The following LRRC4C variants were observed in gnomAD, a reference collection of about 807,000 sequenced individuals.
LRRC4C encodes leucine-rich repeat-containing protein 4C.
In LRRC4C, 5 loss-of-function variants were observed where a neutral mutation model predicts 33.6. The observed-to-expected ratio is 0.15, with a 90% CI of 0.08 to 0.31. The LOEUF is 0.31. LRRC4C is among the 10% of genes least tolerant of loss of function. The probability of loss-of-function intolerance (pLI) is 1.00; values close to 1 mark genes in which losing one functional copy is unlikely to be tolerated. For missense variants in LRRC4C, 560 were observed against 796.7 expected (o/e 0.70, Z 3.58); for synonymous variants, 329 against 302.0 (o/e 1.09, Z -0.93).
chr11:40,687,720 C>T (rs1277209083), intron 2 of LRRC4C, among the ~76,000 whole-genome samples: 3 of 152,014 alleles, frequency 2.0e-5, no homozygotes, highest in Admixed American at 6.6e-5. Context: ...CAAGACAAAA[C>T]CTGTCTATAA....
At position 41,210,735 on chromosome 11, in the gene LRRC4C, C is replaced by A. The variant is rs1397105637; in HGVS notation, c.-496+248696G>T. Reference sequence around the variant, plus strand: ...AGCCAAAACAGAAGCCAAAGAGCTTCAAAGTCTGTGGAAAGAAACTGAACT... The same window carrying A: ...AGCCAAAACAGAAGCCAAAGAGCTTAAAAGTCTGTGGAAAGAAACTGAACT... On this transcript the variant is annotated intron_variant, in intron 1 of 6. Transcript: ENST00000528697. Among the ~76,000 whole-genome samples the A allele has an allele frequency of 2.6e-5, 4 of 152,240 alleles. No individual in the cohort carries two copies. In the South Asian group the frequency reaches 8.3e-4, roughly 32 times the overall value.
chr11:40,893,743 T>C (rs1242006079), intron 2 of LRRC4C, among the ~76,000 whole-genome samples: 1 of 151,976 alleles, frequency 6.6e-6, no homozygotes, highest in African/African-American at 2.4e-5. Context: ...GGCTATAATA[T>C]ATATGACTTC....
intron 2 of LRRC4C, among the ~76,000 whole-genome samples, chr11:40,889,960 T>C: frequency 6.6e-6 from 1 of 152,178 alleles, no homozygotes; most frequent in East Asian, 1.9e-4. Flanking sequence ...CAGAACATAC[T>C]ACATGTCTCC....
chr11:40,641,950 G>T (rs1942145952), intron 3 of LRRC4C, among the ~76,000 whole-genome samples: 1 of 151,740 alleles, frequency 6.6e-6, no homozygotes, highest in Non-Finnish European at 1.5e-5. Flanking sequence ...CCCTTCCTTG[G>T]GTGATGTTTC....
chr11:40,282,140 G>A (rs543337889), intron 4 of LRRC4C, among the ~76,000 whole-genome samples: 1 of 152,224 alleles, frequency 6.6e-6, no homozygotes, highest in East Asian at 1.9e-4. Flanking sequence ...CCTGAAGACG[G>A]GAGTTTGAGA....
intron 1 of LRRC4C, among the ~76,000 whole-genome samples, chr11:41,453,178 G>C (rs1022393220): frequency 6.6e-6 from 1 of 152,090 alleles, no homozygotes; most frequent in Non-Finnish European, 1.5e-5. Flanking sequence ...TTACAGAGAA[G>C]ACTTTCATTT....
chr11:41,183,736 C>T (rs561089020), intron 1 of LRRC4C, among the ~76,000 whole-genome samples: 4 of 152,298 alleles, frequency 2.6e-5, no homozygotes, highest in Admixed American at 2.6e-4. Context: ...TGGGCAGTGC[C>T]CCTGTAGGAA....
chr11:40,594,324 G>T (rs1959175147), intron 3 of LRRC4C, among the ~76,000 whole-genome samples: 2 of 152,196 alleles, frequency 1.3e-5, no homozygotes, highest in South Asian at 4.1e-4. Context: ...TGTGAGGGAG[G>T]TAGAACAATT....
intron 2 of LRRC4C, among the ~76,000 whole-genome samples, chr11:40,921,614 A>C (rs764049313): frequency 6.6e-6 from 1 of 152,166 alleles, no homozygotes; most frequent in South Asian, 2.1e-4. Context: ...TTTTTCAACA[A>C]ATTTTAAAAG....
chr11:40,994,749 GCT>G (rs1853839084), intron 1 of LRRC4C, among the ~76,000 whole-genome samples: 1 of 151,970 alleles, frequency 6.6e-6, no homozygotes, highest in African/African-American at 2.4e-5. Context: ...ACTTGGATGG[GCT>G]CTTTCCTTTA....
At chr11:40,568,391 G>A (rs771007857) in intron 3 of LRRC4C, among the ~76,000 whole-genome samples, 5 of 152,176 alleles carry the variant, frequency 3.3e-5, no homozygotes, top group Non-Finnish European at 5.9e-5. Flanking sequence ...TTGATTGCAG[G>A]CTTTTGAGAG....
At chr11:40,950,467 A>G (rs982365361) in intron 1 of LRRC4C, among the ~76,000 whole-genome samples, 1 of 152,050 alleles carries the variant, frequency 6.6e-6, no homozygotes, top group Non-Finnish European at 1.5e-5. Flanking sequence ...CACCTGTGTT[A>G]TAGAACTGAT....
At chr11:40,936,104 G>GTGTATTGCAAT (rs1320979620) in intron 1 of LRRC4C, among the ~76,000 whole-genome samples, 14 of 131,290 alleles carry the variant, frequency 1.1e-4, no homozygotes, top group Non-Finnish European at 1.8e-4. Context: ...GAGAAAAAAT[G>GTGTATTGCAAT]TGTATTGCAA....
At chr11:40,715,633 A>G (rs1174073600) in intron 2 of LRRC4C, among the ~76,000 whole-genome samples, 1 of 152,250 alleles carries the variant, frequency 6.6e-6, no homozygotes, top group Non-Finnish European at 1.5e-5. Flanking sequence ...AGAACTGGAC[A>G]TGCCACATAT....
At chr11:40,911,556 C>T (rs978773074) in intron 2 of LRRC4C, among the ~76,000 whole-genome samples, 5 of 152,232 alleles carry the variant, frequency 3.3e-5, no homozygotes, top group East Asian at 1.9e-4. Context: ...ACATCACCAT[C>T]ATCAAAGACC....
intron 1 of LRRC4C, among the ~76,000 whole-genome samples, chr11:41,435,526 A>T (rs546871719): frequency 5.3e-5 from 8 of 152,314 alleles, no homozygotes; most frequent in Admixed American, 5.2e-4. Flanking sequence ...TTAAGTACCT[A>T]CTAAGGAACA....
chr11:40,877,601 G>A (rs1159092481), intron 2 of LRRC4C, among the ~76,000 whole-genome samples: 1 of 152,104 alleles, frequency 6.6e-6, no homozygotes, highest in African/African-American at 2.4e-5. Flanking sequence ...TAAAATTCAT[G>A]GCAAATATCT....
intron 1 of LRRC4C, among the ~76,000 whole-genome samples, chr11:41,203,739 C>A (rs1352872479): frequency 6.6e-6 from 1 of 152,056 alleles, no homozygotes; most frequent in East Asian, 1.9e-4. Context: ...CATCTAATGA[C>A]CTAATATATA....
chr11:40,314,717 A>G (rs1049740564), intron 4 of LRRC4C, among the ~76,000 whole-genome samples: 4 of 152,156 alleles, frequency 2.6e-5, no homozygotes, highest in Admixed American at 2.0e-4. Context: ...CTATTCAACC[A>G]TAAAAAAGAA....
Sources: gnomAD v4.1 joint callset for allele counts (sites outside exome capture counted in the v4.1 genomes callset) on GRCh38, gnomAD v4.1.1 for gene constraint, MANE v1.5 for transcripts, NCBI Gene and HGNC (gene_info 2026-07-23, HGNC 2026-07-21) for gene names.